SLC24A2: variants seen among roughly 807,000 people sequenced by gnomAD.
SLC24A2 encodes solute carrier family 24 member 2.
A neutral mutation model predicts 62.0 loss-of-function variants in SLC24A2; 36 were observed. The ratio of observed to expected loss-of-function variants is 0.58; its 90% CI spans 0.44 to 0.77. The LOEUF (loss-of-function observed/expected upper bound fraction) is 0.77, where lower values mean the gene tolerates loss of function less well. Ranked by LOEUF, SLC24A2 falls within the 30% of genes least tolerant of loss-of-function variation. The probability of loss-of-function intolerance (pLI) is 0.00; values close to 1 mark genes in which losing one functional copy is unlikely to be tolerated. For missense variants in SLC24A2, 846 were observed against 817.9 expected (o/e 1.03, Z -0.42); for synonymous variants, 358 against 294.0 (o/e 1.22, Z -2.23).
chr9:19,584,273 T>TAAACAAAAA (rs1836294291), intron 5 of SLC24A2, among the ~76,000 whole-genome samples: 1 of 119,946 alleles, frequency 8.3e-6, no homozygotes, highest in South Asian at 2.7e-4. Context: ...TAGCAAATAG[T>TAAACAAAAA]AAAAAAAAAA....
At chr9:19,887,757 C>T in the SLC24A2 span, among the ~76,000 whole-genome samples, 1 of 152,070 alleles carries the variant, frequency 6.6e-6, no homozygotes, top group Non-Finnish European at 1.5e-5. Flanking sequence ...AATATGGAAC[C>T]AGCCCAAATG....
At chr9:20,112,040 A>T in the SLC24A2 span, among the ~76,000 whole-genome samples, 2 of 152,318 alleles carry the variant, frequency 1.3e-5, no homozygotes, top group Admixed American at 6.5e-5. Context: ...AACACCATTA[A>T]GAAAATGAAA....
At chr9:20,229,096 G>A in the SLC24A2 span, among the ~76,000 whole-genome samples, 52 of 152,230 alleles carry the variant, frequency 3.4e-4, 1 homozygote, top group African/African-American at 1.3e-3. Flanking sequence ...TTCCTGAGGG[G>A]AGTACATACA....
chr9:19,839,036 A>G, the SLC24A2 span, among the ~76,000 whole-genome samples: 1 of 152,198 alleles, frequency 6.6e-6, no homozygotes, highest in Non-Finnish European at 1.5e-5. Flanking sequence ...ACTCAAACAA[A>G]TTTACAAGAA....
At chr9:19,625,841 C>T (rs1818020903) in intron 2 of SLC24A2, among the ~76,000 whole-genome samples, 1 of 151,974 alleles carries the variant, frequency 6.6e-6, no homozygotes, top group African/African-American at 2.4e-5. Context: ...TGCCCGCCAC[C>T]ACGCCCAGCT....
At chr9:20,271,476 T>C in the SLC24A2 span, among the ~76,000 whole-genome samples, 1 of 152,178 alleles carries the variant, frequency 6.6e-6, no homozygotes, top group South Asian at 2.1e-4. Flanking sequence ...TTTTTATTTT[T>C]TCTGCTTATA....
At chr9:20,284,337 G>C in the SLC24A2 span, among the ~76,000 whole-genome samples, 1 of 151,884 alleles carries the variant, frequency 6.6e-6, no homozygotes, top group Non-Finnish European at 1.5e-5. Context: ...GAGTGCAGTG[G>C]TGTGATCATA....
the SLC24A2 span, among the ~76,000 whole-genome samples, chr9:19,815,231 G>A: frequency 1.3e-5 from 2 of 152,124 alleles, no homozygotes; most frequent in Admixed American, 6.6e-5. Context: ...AGAGAAAAAA[G>A]TAGTGACTCA....
chr9:19,892,000 A>G, the SLC24A2 span, among the ~76,000 whole-genome samples: 4 of 152,254 alleles, frequency 2.6e-5, no homozygotes, highest in African/African-American at 9.6e-5. Context: ...TCATTTCTAC[A>G]TCTTCAACTC....
intron 2 of SLC24A2, among the ~76,000 whole-genome samples, chr9:19,705,916 T>A (rs1221681187): frequency 6.6e-6 from 1 of 152,020 alleles, no homozygotes; most frequent in Non-Finnish European, 1.5e-5. Flanking sequence ...TCTGTTGATT[T>A]GGGGTGGAGA....
At chr9:19,736,488 T>C (rs1367158900) in intron 2 of SLC24A2, among the ~76,000 whole-genome samples, 2 of 152,086 alleles carry the variant, frequency 1.3e-5, no homozygotes, top group Non-Finnish European at 2.9e-5. Flanking sequence ...AAAAGAAGTC[T>C]GGTTTAGCAA....
chr9:19,736,365 T>C (rs1453655688), intron 2 of SLC24A2, among the ~76,000 whole-genome samples: 3 of 152,272 alleles, frequency 2.0e-5, no homozygotes, highest in African/African-American at 7.2e-5. Context: ...TAACTGATTA[T>C]AAACAAAACA....
intron 2 of SLC24A2, among the ~76,000 whole-genome samples, chr9:19,734,402 G>GT (rs34621687): frequency 1.3e-5 from 2 of 152,138 alleles, no homozygotes; most frequent in Non-Finnish European, 2.9e-5. Context: ...CTTTAAAGTA[G>GT]TTTTTTCCAA....
chr9:19,923,601 C>T, the SLC24A2 span, among the ~76,000 whole-genome samples: 7 of 152,096 alleles, frequency 4.6e-5, no homozygotes, highest in Non-Finnish European at 1.0e-4. Context: ...AGTCACAAGC[C>T]CACCCCACTC....
chr9:19,614,048 C>CA (rs1186750333), intron 4 of SLC24A2, among the ~76,000 whole-genome samples: 1 of 152,144 alleles, frequency 6.6e-6, no homozygotes, highest in Non-Finnish European at 1.5e-5. Context: ...CATTTTGAGA[C>CA]AAATGGTAGG....
the SLC24A2 span, among the ~76,000 whole-genome samples, chr9:19,920,877 G>C: frequency 6.6e-6 from 1 of 152,090 alleles, no homozygotes; most frequent in Non-Finnish European, 1.5e-5. Context: ...AAGCCAACCT[G>C]GGTTCAAACC....
upstream of SLC24A2, among the ~76,000 whole-genome samples, chr9:19,791,480 T>A (rs1823319938): frequency 6.6e-6 from 1 of 152,086 alleles, no homozygotes; most frequent in Admixed American, 6.5e-5. Flanking sequence ...GTTGTGGGAG[T>A]GACTACTCCT....
chr9:19,546,511 C>G (rs1238722048), intron 8 of SLC24A2, among the ~76,000 whole-genome samples: 1 of 152,158 alleles, frequency 6.6e-6, no homozygotes, highest in Non-Finnish European at 1.5e-5. Context: ...CTACTTAAGC[C>G]TCAGCACTGG....
chr9:19,962,593 G>A, the SLC24A2 span, among the ~76,000 whole-genome samples: 1 of 152,126 alleles, frequency 6.6e-6, no homozygotes, highest in African/African-American at 2.4e-5. Flanking sequence ...CTTGTAAGTT[G>A]GATTCCTAAG....
Sources: allele counts gnomAD v4.1 joint callset (sites outside exome capture counted in the v4.1 genomes callset), GRCh38; gene constraint gnomAD v4.1.1; transcripts MANE v1.5; gene names NCBI Gene and HGNC (gene_info 2026-07-23, HGNC 2026-07-21).